The following NDUFAF2 variants were observed in gnomAD, a reference collection of about 807,000 sequenced individuals.
The protein encoded by NDUFAF2 is NADH dehydrogenase [ubiquinone] 1 alpha subcomplex assembly factor 2.
NDUFAF2 carries 13 observed loss-of-function variants against 22.8 expected under a neutral mutation model. That is an observed-to-expected ratio of 0.57 (90% CI 0.37 to 0.91). The LOEUF (loss-of-function observed/expected upper bound fraction) is 0.91. Ranked by LOEUF, NDUFAF2 falls within the 40% of genes least tolerant of loss-of-function variation. The pLI is 0.01. For missense variants in NDUFAF2, 162 were observed against 195.2 expected (o/e 0.83, Z 1.01); for synonymous variants, 53 against 64.2 (o/e 0.83, Z 0.84).
intron 3 of NDUFAF2, among the ~76,000 whole-genome samples, chr5:61,127,530 C>G (rs1753052589): frequency 1.3e-5 from 2 of 151,952 alleles, no homozygotes; most frequent in African/African-American, 4.8e-5. Context: ...AATGACAAAA[C>G]CCACATGATT....
At chr5:61,064,598 T>C (rs1752206565) in intron 1 of NDUFAF2, among the ~76,000 whole-genome samples, 1 of 151,866 alleles carries the variant, frequency 6.6e-6, no homozygotes, top group African/African-American at 2.4e-5. Flanking sequence ...AATTAACAAA[T>C]ATGTGGAAAT....
At chr5:60,976,304 C>T (rs1274899208) in intron 1 of NDUFAF2, among the ~76,000 whole-genome samples, 1 of 148,130 alleles carries the variant, frequency 6.8e-6, no homozygotes. Context: ...AATGTATGTG[C>T]TTTTTTTTTT....
intron 3 of NDUFAF2, among the ~76,000 whole-genome samples, chr5:61,132,196 G>A (rs1473377705): frequency 6.6e-6 from 1 of 152,144 alleles, no homozygotes; most frequent in Non-Finnish European, 1.5e-5. Context: ...CTTCATGAAA[G>A]CAGGACTGTG....
At chr5:61,050,068 T>C (rs1248654584) in intron 1 of NDUFAF2, among the ~76,000 whole-genome samples, 3 of 152,024 alleles carry the variant, frequency 2.0e-5, no homozygotes, top group Non-Finnish European at 2.9e-5. Context: ...CTGCTTTCAA[T>C]TCTTTTGGTT....
chr5:60,978,749 C>T (rs1750936248), intron 1 of NDUFAF2, among the ~76,000 whole-genome samples: 1 of 152,148 alleles, frequency 6.6e-6, no homozygotes, highest in Non-Finnish European at 1.5e-5. Flanking sequence ...CAATTCCTGG[C>T]CTAGTTTTGG....
intron 2 of NDUFAF2, among the ~76,000 whole-genome samples, chr5:61,091,785 C>T (rs1752571567): frequency 6.6e-6 from 1 of 152,026 alleles, no homozygotes; most frequent in South Asian, 2.1e-4. Flanking sequence ...TCTATATGCT[C>T]AGTGGTATTG....
chr5:60,953,607 T>G (rs1750576657), intron 1 of NDUFAF2, among the ~76,000 whole-genome samples: 1 of 152,152 alleles, frequency 6.6e-6, no homozygotes. Flanking sequence ...AAGATTTTTA[T>G]TCTGTCCTCA....
chr5:61,051,156 A>G (rs1187444823), intron 1 of NDUFAF2, among the ~76,000 whole-genome samples: 1 of 152,086 alleles, frequency 6.6e-6, no homozygotes, highest in Non-Finnish European at 1.5e-5. Context: ...CTTAATTTTA[A>G]TTTTCTAGAA....
At chr5:61,090,562 T>C (rs963533602) in intron 2 of NDUFAF2, among the ~76,000 whole-genome samples, 4 of 152,252 alleles carry the variant, frequency 2.6e-5, no homozygotes, top group African/African-American at 7.2e-5. Context: ...ACTTCTACTC[T>C]ACATTAAAAC....
intron 1 of NDUFAF2, among the ~76,000 whole-genome samples, chr5:61,007,636 A>C (rs1751385522): frequency 6.6e-6 from 1 of 152,206 alleles, no homozygotes; most frequent in Non-Finnish European, 1.5e-5. Context: ...GGCAGTCATT[A>C]AAAAGTCAGG....
At chr5:61,125,124 A>G in intron 3 of NDUFAF2, among the ~76,000 whole-genome samples, 1 of 152,046 alleles carries the variant, frequency 6.6e-6, no homozygotes, top group East Asian at 1.9e-4. Context: ...ATTGAACATC[A>G]GATTTGCATG....
intron 3 of NDUFAF2, among the ~76,000 whole-genome samples, chr5:61,112,465 G>A (rs1354517909): frequency 6.6e-6 from 1 of 152,082 alleles, no homozygotes; most frequent in Non-Finnish European, 1.5e-5. Flanking sequence ...GCCCACTTCA[G>A]CCTCCCAAAG....
intron 2 of NDUFAF2, 71 bp from the exon 3 acceptor site, chr5:61,098,921 T>A (rs1333432284): frequency 1.5e-6 from 2 of 1,305,266 alleles, no homozygotes; most frequent in African/African-American, 1.5e-5. Context: ...CTCAAAAAAA[T>A]TTGTTTTATG....
At position 61,098,684 on chromosome 5, in the gene NDUFAF2, C is replaced by T. The variant is rs570476563; in HGVS notation, c.218-308C>T. Among the ~76,000 whole-genome samples the T allele has an allele frequency of 1.3e-4, 20 of 152,224 alleles. No individual in the cohort carries two copies. The East Asian group carries it at 2.7e-3, about 21-fold the overall frequency. ...CTTGTATGCCATAAATATACCCAGT[C>T]GAATTTAGATGATTAGGAGGTATGA... On this transcript the variant is annotated intron_variant, in intron 2 of 3. Coordinates refer to ENST00000296597, the MANE Select transcript of NDUFAF2 (RefSeq NM_174889.5).
At chr5:61,099,964 C>T (rs954162765) in intron 3 of NDUFAF2, among the ~76,000 whole-genome samples, 2 of 152,116 alleles carry the variant, frequency 1.3e-5, no homozygotes, top group African/African-American at 2.4e-5. Context: ...TTGCTCCATA[C>T]ATTTGTCATA....
intron 1 of NDUFAF2, among the ~76,000 whole-genome samples, chr5:60,962,507 A>G (rs1468844668): frequency 6.6e-6 from 1 of 152,134 alleles, no homozygotes; most frequent in East Asian, 1.9e-4. Context: ...TGAGATTTGC[A>G]ATTTTACTTT....
At chr5:61,064,515 G>A (rs1385562894) in intron 1 of NDUFAF2, among the ~76,000 whole-genome samples, 1 of 151,996 alleles carries the variant, frequency 6.6e-6, no homozygotes, top group Non-Finnish European at 1.5e-5. Flanking sequence ...AAAGAAGATT[G>A]ACCATATATC....
intron 1 of NDUFAF2, among the ~76,000 whole-genome samples, chr5:61,022,921 C>A (rs158564): frequency 0.63 from 96,287 of 152,122 alleles, 30,921 homozygotes; most frequent in East Asian, 0.94. Context: ...CTAGGATTAC[C>A]GGCGTGAACC....
chr5:60,990,815 G>T (rs1751148583), intron 1 of NDUFAF2, among the ~76,000 whole-genome samples: 1 of 151,938 alleles, frequency 6.6e-6, no homozygotes, highest in Admixed American at 6.6e-5. Context: ...TGTATTTCTA[G>T]GTGTGTGTGT....
Sources: gnomAD v4.1 joint callset for allele counts (sites outside exome capture counted in the v4.1 genomes callset) on GRCh38, gnomAD v4.1.1 for gene constraint, MANE v1.5 for transcripts, NCBI Gene and HGNC (gene_info 2026-07-23, HGNC 2026-07-21) for gene names.